Variants in CUX1 observed in about 807,000 individuals in gnomAD.
The protein encoded by CUX1 is protein CASP.
In CUX1, 31 loss-of-function variants were observed where a neutral mutation model predicts 158.8. The ratio of observed to expected loss-of-function variants is 0.20; its 90% confidence interval spans 0.15 to 0.26. The LOEUF (loss-of-function observed/expected upper bound fraction) is 0.26. CUX1 is among the 10% of genes least tolerant of loss of function. The pLI is 1.00. For missense variants in CUX1, 1,589 were observed against 2,014.6 expected, an observed-to-expected ratio of 0.79 and a Z score of 4.04; for synonymous variants, 879 against 862.1, an observed-to-expected ratio of 1.02 and a Z score of -0.34.
chr7:102,160,120 G>A (rs577852180), intron 9 of CUX1, among the ~76,000 whole-genome samples: 1 of 152,000 alleles, frequency 6.6e-6, no homozygotes, highest in South Asian at 2.1e-4. Context: ...GGCAGAGGTT[G>A]CAGTGAACCA....
At chr7:102,151,844 C>T (rs1193751236) in intron 8 of CUX1, among the ~76,000 whole-genome samples, 1 of 151,766 alleles carries the variant, frequency 6.6e-6, no homozygotes, top group Non-Finnish European at 1.5e-5. Flanking sequence ...TCTTCCAAAG[C>T]CCCCGATCGC....
Position 101,905,990 on chromosome 7 carries a change from C to CT in CUX1, c.31-10111dup, listed in dbSNP as rs748165561. ...GGTGTGCGCCACCATGCCCAGCTAA[C>CT]TTTTTTTTTTTTTTCTGGAGAGACA... On this transcript the variant is annotated intron_variant, in intron 1 of 23. Coordinates refer to ENST00000292535, the MANE Select transcript of CUX1 (RefSeq NM_181552.4). Among the ~76,000 whole-genome samples the CT allele has an allele frequency of 4.8e-3, 689 of 144,704 alleles. 4 individuals carry two copies. Among genetic ancestry groups the CT allele is most frequent in the Middle Eastern group, 0.014 (4 of 282 alleles). 94.9% of individuals were successfully genotyped at this position (144,704 alleles called of 152,430 possible). A position where few individuals can be genotyped will look rare whatever the true frequency, so the allele number is the denominator to read the frequency against.
intron 6 of CUX1, among the ~76,000 whole-genome samples, chr7:102,108,681 T>C (rs1239287586): frequency 6.6e-6 from 1 of 151,986 alleles, no homozygotes; most frequent in Non-Finnish European, 1.5e-5. Context: ...TATTAAAATA[T>C]ACAATAACTG....
chr7:102,049,437 C>T (rs1009720492), intron 3 of CUX1, among the ~76,000 whole-genome samples: 7 of 152,114 alleles, frequency 4.6e-5, no homozygotes, highest in African/African-American at 1.7e-4. Flanking sequence ...TGTCGAACTC[C>T]GAAGCCCATG....
intron 1 of CUX1, among the ~76,000 whole-genome samples, chr7:101,847,370 C>T (rs901786628): frequency 2.6e-5 from 4 of 152,128 alleles, no homozygotes; most frequent in East Asian, 3.9e-4. Flanking sequence ...TTTGGCGGCA[C>T]CTGATCCCTA....
At chr7:101,898,864 T>G (rs908333243) in intron 1 of CUX1, among the ~76,000 whole-genome samples, 1 of 152,232 alleles carries the variant, frequency 6.6e-6, no homozygotes, top group Non-Finnish European at 1.5e-5. Flanking sequence ...GTGCTGGGAT[T>G]ACAAAGCATA....
At chr7:101,838,039 T>C (rs1794822825) in intron 1 of CUX1, among the ~76,000 whole-genome samples, 1 of 151,994 alleles carries the variant, frequency 6.6e-6, no homozygotes. Flanking sequence ...TTGTAAAATA[T>C]GTGGCCTATT....
At chr7:102,060,700 C>T (rs1270634997) in intron 3 of CUX1, among the ~76,000 whole-genome samples, 1 of 151,268 alleles carries the variant, frequency 6.6e-6, no homozygotes, top group Admixed American at 6.6e-5. Flanking sequence ...GCAACCTCCA[C>T]CTTCTGGGTT....
intron 4 of CUX1, among the ~76,000 whole-genome samples, chr7:102,091,210 G>C (rs967710542): frequency 2.0e-5 from 3 of 152,144 alleles, no homozygotes; most frequent in Non-Finnish European, 4.4e-5. Flanking sequence ...ACAACTTAGA[G>C]TATGTGTTTA....
intron 2 of CUX1, among the ~76,000 whole-genome samples, chr7:101,931,623 T>C (rs1171477013): frequency 2.0e-5 from 3 of 152,146 alleles, no homozygotes; most frequent in East Asian, 3.9e-4. Flanking sequence ...TGGAGTGCAA[T>C]GGCACAATCT....
At chr7:102,238,232 C>T (rs1799802489) in intron 22 of CUX1, among the ~76,000 whole-genome samples, 1 of 152,064 alleles carries the variant, frequency 6.6e-6, no homozygotes, top group Non-Finnish European at 1.5e-5. Context: ...ACTCCCTTTC[C>T]CGGTCTGCTA....
intron 4 of CUX1, among the ~76,000 whole-genome samples, chr7:102,090,396 TG>T (rs1411961847): frequency 3.3e-5 from 5 of 152,038 alleles, no homozygotes; most frequent in African/African-American, 1.2e-4. Flanking sequence ...TGTTTTGTTT[TG>T]TTTTTTTTGA....
At chr7:102,171,276 G>A (rs923159508) in intron 10 of CUX1, among the ~76,000 whole-genome samples, 15 of 152,056 alleles carry the variant, frequency 9.9e-5, no homozygotes, top group South Asian at 4.1e-4. Context: ...GGAGCTTAAC[G>A]TCCCTGAGTC....
intron 1 of CUX1, among the ~76,000 whole-genome samples, chr7:101,827,821 C>T (rs1793522177): frequency 1.3e-5 from 2 of 151,980 alleles, no homozygotes; most frequent in Admixed American, 1.3e-4. Context: ...TAGAATGGAT[C>T]ATCATAAAGG....
At chr7:102,096,351 G>A (rs1183672950) in intron 4 of CUX1, among the ~76,000 whole-genome samples, 1 of 90,122 alleles carries the variant, frequency 1.1e-5, no homozygotes. Context: ...AAATGGGGTG[G>A]CTTTATAAAG....
rs562553495 is a variant in CUX1 at position 102,044,191 on chromosome 7, G to GT, written c.189+16054dup. On this transcript the variant is annotated intron_variant, in intron 3 of 23. Transcript: ENST00000292535. ...TCCTTAGCCCATTTTCCGTTTTTTT[G>GT]TTTTTTTTGGAAAGAGTCTTGCTCT... 2.9e-4 allele frequency among the ~76,000 whole-genome samples: 44 copies of GT among 150,570 alleles called. No individual in the cohort carries two copies. In the South Asian group the frequency reaches 5.4e-3, roughly 18 times the overall value.
Position 101,875,686 on chromosome 7 carries a change from C to T in CUX1, c.31-40429C>T, listed in dbSNP as rs146254518. On this transcript the variant is annotated intron_variant, in intron 1 of 23. Coordinates refer to ENST00000292535, the MANE Select transcript of CUX1 (RefSeq NM_181552.4). ...GACCTGAGACGCGTTGAGCCCCTCC[C>T]CACAGTGCCCACGGGTAGGTGCGCC... 1.3e-4 allele frequency among the ~76,000 whole-genome samples: 20 copies of T among 152,326 alleles called. No individual in the cohort carries two copies. The East Asian group carries it at 1.7e-3, about 13-fold the overall frequency.
At chr7:102,034,729 G>C (rs1260226467) in intron 3 of CUX1, among the ~76,000 whole-genome samples, 1 of 145,194 alleles carries the variant, frequency 6.9e-6, no homozygotes, top group Non-Finnish European at 1.5e-5. Flanking sequence ...CTCCAGCCTG[G>C]TGACAGAGAG....
chr7:102,208,762 A>G (rs1364838451), intron 20 of CUX1, among the ~76,000 whole-genome samples: 2 of 152,156 alleles, frequency 1.3e-5, no homozygotes, highest in Non-Finnish European at 2.9e-5. Flanking sequence ...TCCTTTCAAG[A>G]GGCCCCCAGA....
Sources: allele counts gnomAD v4.1 joint callset (sites outside exome capture counted in the v4.1 genomes callset), GRCh38; gene constraint gnomAD v4.1.1; transcripts MANE v1.5; gene names NCBI Gene and HGNC (gene_info 2026-07-23, HGNC 2026-07-21).